The following SFSWAP variants were observed in gnomAD, a reference collection of about 807,000 sequenced individuals.
The protein encoded by SFSWAP is splicing factor SWAP.
SFSWAP carries 17 observed loss-of-function variants against 100.7 expected under a neutral mutation model. The ratio of observed to expected loss-of-function variants is 0.17; its 90% CI spans 0.12 to 0.25. The LOEUF (loss-of-function observed/expected upper bound fraction) is 0.25, where lower values mean the gene tolerates loss of function less well. Ranked by LOEUF, SFSWAP falls within the 10% of genes least tolerant of loss-of-function variation. The probability of loss-of-function intolerance (pLI) is 1.00; values close to 1 mark genes in which losing one functional copy is unlikely to be tolerated. For missense variants in SFSWAP, 1,005 were observed against 1,262.6 expected, an observed-to-expected ratio of 0.80 and a Z score of 3.09; for synonymous variants, 504 against 510.1, an observed-to-expected ratio of 0.99 and a Z score of 0.16.
Position 131,754,465 on chromosome 12 carries a change from T to C in SFSWAP, c.1420T>C (p.Phe474Leu). The change falls in exon 9 of 18, where the codon TTC becomes CTC. Residue 474 changes from phenylalanine (F) to leucine (L), a missense_variant. This residue lies in a region of SFSWAP where 311 missense variants were observed against 317.8 expected (regional missense o/e 0.98). Coordinates refer to ENST00000261674, the MANE Select transcript of SFSWAP (RefSeq NM_004592.4). The part of the protein sequence containing the change: ...AEYVARNGLK[F>L]ETSVRAKNDQ... ...GTATGTCGCCAGGAACGGCCTGAAG[T>C]TCGAGACCAGTGTTCGTGCCAAGAA... is the stretch of plus-strand genomic sequence containing the variant. 6.2e-7 allele frequency: 1 copy of C among 1,600,262 alleles called. No homozygotes were observed.
At chr12:131,722,855 G>A (rs1181463268) in intron 4 of SFSWAP, among the ~76,000 whole-genome samples, 1 of 152,088 alleles carries the variant, frequency 6.6e-6, no homozygotes, top group Non-Finnish European at 1.5e-5. Context: ...AGGCCAAGGC[G>A]GGAGGATGGT....
intron 7 of SFSWAP, among the ~76,000 whole-genome samples, chr12:131,731,360 G>A (rs1409085847): frequency 6.6e-6 from 1 of 152,302 alleles, no homozygotes; most frequent in South Asian, 2.1e-4. Flanking sequence ...TGAGTACCTT[G>A]TTCTGCCTGC....
At chr12:131,712,698 A>G (rs1208426966) in intron 1 of SFSWAP, 1 of 152,174 alleles carries the variant, frequency 6.6e-6, no homozygotes, top group Non-Finnish European at 1.5e-5. Context: ...GAATCAGATC[A>G]TGTCTGGATC....
rs138014522 is a variant in SFSWAP, at chr12:131,796,717, G to C, written c.2535-461G>C. 6.8e-4 allele frequency: 105 copies of C among 154,304 alleles called. No homozygotes were observed. The East Asian group carries it at 0.019, about 27-fold the overall frequency. 9.6% of individuals were successfully genotyped at this position (154,304 alleles called of 1,614,324 possible). On this transcript the variant is annotated intron_variant, in intron 15 of 17. Transcript: ENST00000261674. Reference sequence around the variant, plus strand: ...GGTTGCTTGAGGTCAGGAGGTGAAGGCTGCAGTGAGCTGTAATGGCACCAC... The same window carrying C: ...GGTTGCTTGAGGTCAGGAGGTGAAGCCTGCAGTGAGCTGTAATGGCACCAC...
chr12:131,797,477 A>G, intron 16 of SFSWAP, 117 bp downstream of exon 16: 1 of 924,340 alleles, frequency 1.1e-6, no homozygotes, highest in South Asian at 1.8e-5. Flanking sequence ...AGGGGGCGCC[A>G]GCCACAAAGC....
chr12:131,776,033 C>T (rs966911486), intron 13 of SFSWAP, among the ~76,000 whole-genome samples: 2 of 152,074 alleles, frequency 1.3e-5, no homozygotes, highest in Admixed American at 6.5e-5. Context: ...GGCCGGAAGG[C>T]GGAGGTTGCG....
At chr12:131,765,123 C>T (rs1883002114) in intron 12 of SFSWAP, among the ~76,000 whole-genome samples, 1 of 152,200 alleles carries the variant, frequency 6.6e-6, no homozygotes, top group Non-Finnish European at 1.5e-5. Flanking sequence ...AGCTGGTTTT[C>T]CGGCTGCGGC....
intron 14 of SFSWAP, chr12:131,785,106 GC>G: frequency 6.5e-7 from 1 of 1,535,684 alleles, no homozygotes; most frequent in South Asian, 1.2e-5. Flanking sequence ...TGCGCGCGGA[GC>G]CCTGTCAGAG....
At chr12:131,788,956 G>A (rs939757422) in intron 15 of SFSWAP, among the ~76,000 whole-genome samples, 4 of 151,844 alleles carry the variant, frequency 2.6e-5, no homozygotes, top group Non-Finnish European at 5.9e-5. Context: ...GCCCACTACC[G>A]AGATTTGCTG....
At chr12:131,775,507 T>A (rs556519010) in intron 13 of SFSWAP, among the ~76,000 whole-genome samples, 12 of 152,284 alleles carry the variant, frequency 7.9e-5, no homozygotes, top group African/African-American at 2.9e-4. Flanking sequence ...TTCTCTGGTG[T>A]CCACCCAGGG....
At chr12:131,763,904 A>G (rs1053865237) in intron 11 of SFSWAP, among the ~76,000 whole-genome samples, 1 of 151,630 alleles carries the variant, frequency 6.6e-6, no homozygotes, top group African/African-American at 2.4e-5. Context: ...AGGCAGGCGG[A>G]TCACGAGGTC....
At chr12:131,772,507 G>T (rs1456502081) in intron 13 of SFSWAP, among the ~76,000 whole-genome samples, 1 of 152,226 alleles carries the variant, frequency 6.6e-6, no homozygotes, top group Non-Finnish European at 1.5e-5. Flanking sequence ...GGCACAGGGG[G>T]TGGCTCGTTT....
chr12:131,719,422 G>C (rs1199660358), intron 3 of SFSWAP, 32 bp from the exon 4 acceptor site: 1 of 1,572,042 alleles, frequency 6.4e-7, no homozygotes, highest in South Asian at 1.1e-5. Flanking sequence ...TCCCTGCATT[G>C]TTCTGAATTT....
At chr12:131,780,565 G>A (rs1488476814) in intron 14 of SFSWAP, among the ~76,000 whole-genome samples, 5 of 152,186 alleles carry the variant, frequency 3.3e-5, no homozygotes, top group African/African-American at 7.2e-5. Context: ...AGTCTGAGGT[G>A]GAAGGATTGC....
rs910232049 is a variant in SFSWAP at position 131,730,900 on chromosome 12, G to T, written c.1081+2472G>T. Among the ~76,000 whole-genome samples the T allele has an allele frequency of 6.6e-6, 1 of 152,192 alleles. No homozygotes were observed. The highest frequency in any genetic ancestry group is 2.4e-5 in the African/African-American group (1 of 41,458). On this transcript the variant is annotated intron_variant, in intron 7 of 17. Transcript: ENST00000261674. The surrounding 1 kb of genome is among the most constrained non-coding windows in gnomAD (Gnocchi z 4.0). ...CAGCAAGAGTAGTGGATACACACAT[G>T]TGAGAGTAAGGGTGCCTGGGGGCTG... is the stretch of plus-strand genomic sequence containing the variant.
intron 15 of SFSWAP, among the ~76,000 whole-genome samples, chr12:131,793,063 A>T (rs1885388286): frequency 6.6e-6 from 1 of 152,110 alleles, no homozygotes; most frequent in African/African-American, 2.4e-5. Context: ...AGCCACAGCG[A>T]TTCAGTGAGG....
intron 7 of SFSWAP, among the ~76,000 whole-genome samples, chr12:131,742,957 C>T (rs1348175504): frequency 6.6e-6 from 1 of 152,138 alleles, no homozygotes; most frequent in African/African-American, 2.4e-5. Flanking sequence ...TGGATGGCAG[C>T]TGGCAAAGAG....
At position 131,717,443 on chromosome 12, in the gene SFSWAP, A is replaced by G. The variant is rs773593827; in HGVS notation, c.521-2011A>G. Among the ~76,000 whole-genome samples the G allele has an allele frequency of 4.6e-5, 7 of 152,128 alleles. No homozygotes were observed. The East Asian group carries it at 9.6e-4, about 21-fold the overall frequency. On this transcript the variant is annotated intron_variant, in intron 3 of 17. Coordinates refer to ENST00000261674, the MANE Select transcript of SFSWAP (RefSeq NM_004592.4). Reference sequence around the variant, plus strand: ...GGGGCGGGGACAGGCCCTCACTGCTATATATCCATTTTTTAAACAAAAGGT... The same window carrying G: ...GGGGCGGGGACAGGCCCTCACTGCTGTATATCCATTTTTTAAACAAAAGGT...
At chr12:131,731,387 C>A (rs1879497370) in intron 7 of SFSWAP, among the ~76,000 whole-genome samples, 1 of 152,212 alleles carries the variant, frequency 6.6e-6, no homozygotes, top group Non-Finnish European at 1.5e-5. Flanking sequence ...CTTCTGTGTG[C>A]TGTTGAAGTT....
Sources: gnomAD v4.1 joint callset for allele counts (sites outside exome capture counted in the v4.1 genomes callset) on GRCh38, gnomAD v4.1.1 for gene constraint, gnomAD v4.1.1 regional missense constraint, Gnocchi (gnomAD v3.1) non-coding constraint, MANE v1.5 for transcripts, NCBI Gene and HGNC (gene_info 2026-07-23, HGNC 2026-07-21) for gene names.